The following FAP variants were observed in gnomAD, a reference collection of about 807,000 sequenced individuals.
FAP encodes fibroblast activation protein alpha.
In FAP, 110 loss-of-function variants were observed where a neutral mutation model predicts 126.5. That is an observed-to-expected ratio of 0.87 (90% confidence interval 0.74 to 1.02). The LOEUF (loss-of-function observed/expected upper bound fraction) is 1.02. Ranked by LOEUF, FAP falls within the 50% of genes least tolerant of loss-of-function variation. The pLI, the probability that FAP is intolerant of heterozygous loss-of-function variation, is 0.00. For missense variants in FAP, 919 were observed against 909.2 expected (o/e 1.01, Z -0.14); for synonymous variants, 334 against 297.3 (o/e 1.12, Z -1.27).
intron 15 of FAP, 90 bp from the exon 16 acceptor site, chr2:162,198,971 A>G (rs896987623): frequency 9.2e-7 from 1 of 1,085,638 alleles, no homozygotes; most frequent in African/African-American, 1.6e-5. Context: ...TAATTTACAT[A>G]TTGACATCAA....
intron 16 of FAP, chr2:162,197,535 C>G (rs1244620788): frequency 2.2e-6 from 1 of 456,568 alleles, no homozygotes; most frequent in East Asian, 6.9e-5. Context: ...ATGCCATTGA[C>G]CAAACATTTT....
In FAP at chr2:162,225,677, T is replaced by G. The variant is rs892588155; in HGVS notation, c.191-100A>C. ...TCTATTTCACAGACCTACTTTGTTT[T>G]TCCTCTCTGTCCAGTACATATTGCT... On this transcript the variant is annotated intron_variant, in intron 3 of 25. Transcript: ENST00000188790. The G allele has an allele frequency of 5.7e-6, 7 of 1,229,678 alleles. No homozygotes were observed. The African/African-American group carries it at 1.1e-4, about 19-fold the overall frequency. The allele number at this position is 1,229,678 out of a possible 1,614,324, so 76.2% of individuals were successfully genotyped here.
chr2:162,171,308 G>T, intron 25 of FAP: 1 of 406,914 alleles, frequency 2.5e-6, no homozygotes, highest in Non-Finnish European at 4.5e-6. Context: ...GATCTCAGTG[G>T]CTGAGATCTC....
At chr2:162,179,577 T>C (rs1033130095) in intron 21 of FAP, among the ~76,000 whole-genome samples, 2 of 152,068 alleles carry the variant, frequency 1.3e-5, no homozygotes, top group Non-Finnish European at 2.9e-5. Flanking sequence ...AACATGGTAA[T>C]TCCTATAAGA....
intron 19 of FAP, 116 bp from the exon 20 acceptor site, chr2:162,188,479 T>C (rs1687930168): frequency 1.1e-6 from 1 of 918,058 alleles, no homozygotes; most frequent in African/African-American, 1.7e-5. Flanking sequence ...AAAATAACAA[T>C]GGCGTTAGAA....
In FAP at chr2:162,219,860, C is replaced by T. The variant is rs376459419; in HGVS notation, c.479G>A (p.Ser160Asn). 295 of 1,606,722 alleles carry T rather than the reference C, an allele frequency of 1.8e-4. No homozygotes were observed. The highest frequency in any genetic ancestry group is 2.4e-4 in the Non-Finnish European group (279 of 1,173,894). The change falls in exon 7 of 26, where the codon AGT (serine) becomes AAT (asparagine). Residue 160 changes from serine (S) to asparagine (N), a missense_variant. Ser to Asn is a conservative substitution (Grantham distance 46, BLOSUM62 1). Coordinates refer to ENST00000188790, the MANE Select transcript of FAP (RefSeq NM_004460.5). ...IQYLCWSPVG[S>N]KLAYVYQNNI... ...AAAAATTTAAACACTTACTAATTTA[C>T]TCCCAACAGGCGACCAGCATAAATA...
chr2:162,189,077 T>G, intron 19 of FAP, 26 bp downstream of exon 19: 1 of 1,460,784 alleles, frequency 6.8e-7, no homozygotes, highest in Non-Finnish European at 9.5e-7. Context: ...GTAAATAGTT[T>G]TTACACCAAA....
intron 14 of FAP, 121 bp downstream of exon 14, chr2:162,202,751 A>G: frequency 4.5e-6 from 3 of 662,142 alleles, no homozygotes; most frequent in Non-Finnish European, 7.6e-6. Flanking sequence ...ATGAACTCAC[A>G]ACTGTCTGAA....
chr2:162,172,732 A>C (rs1559757992), intron 25 of FAP, 79 bp downstream of exon 25: 2 of 896,412 alleles, frequency 2.2e-6, no homozygotes, highest in Non-Finnish European at 1.8e-6. Flanking sequence ...TTTAAAAGTT[A>C]AAAAAAATAA....
chr2:162,194,689 A>C lies in FAP; in HGVS notation c.1450+12T>G, dbSNP rs1688179661. On this transcript the variant is annotated intron_variant, in intron 17 of 25. Coordinates refer to ENST00000188790, the MANE Select transcript of FAP (RefSeq NM_004460.5). ...ACTTGAGACAAGATAGATAACATGCAAGAGAGAGTACCTTGATCAGTGCGT... is the reference window on the plus strand; with the variant it reads ...ACTTGAGACAAGATAGATAACATGCCAGAGAGAGTACCTTGATCAGTGCGT... 6.2e-7 allele frequency: 1 copy of C among 1,612,580 alleles called. No homozygotes were observed. Among genetic ancestry groups the C allele is most frequent in the Non-Finnish European group, 8.5e-7 (1 of 1,178,726 alleles).
intron 25 of FAP, chr2:162,172,365 A>C (rs1234301162): frequency 6.3e-6 from 1 of 158,272 alleles, no homozygotes; most frequent in Non-Finnish European, 1.4e-5. Flanking sequence ...CATAGGTGAA[A>C]AGTTCTCTAA....
intron 11 of FAP, among the ~76,000 whole-genome samples, chr2:162,213,369 C>T (rs767199502): frequency 1.3e-4 from 18 of 135,170 alleles, no homozygotes; most frequent in Non-Finnish European, 2.6e-4. Context: ...AGCGAGACGC[C>T]ATCTCAAAAA....
chr2:162,183,429 T>C lies in FAP; in HGVS notation c.1854A>G (p.Ile618Met), dbSNP rs1241613016. The C allele has an allele frequency of 6.2e-7, 1 of 1,609,798 alleles. No homozygotes were observed. Among genetic ancestry groups the C allele is most frequent in the Non-Finnish European group, 8.5e-7 (1 of 1,177,450 alleles). ...IEMGFIDEKR[I>M]AIWGWSYGGY... ...AACAACTCACCCAGCCCCATATGGC[T>C]ATTCTTTTTTCATCAATGAAACCCA... The change falls in exon 21 of 26, where the codon ATA becomes ATG. Residue 618 changes from isoleucine (I) to methionine (M), a missense_variant. Transcript: ENST00000188790.
chr2:162,205,000 T>C (rs1292836528), intron 12 of FAP, among the ~76,000 whole-genome samples: 1 of 152,024 alleles, frequency 6.6e-6, no homozygotes, highest in Non-Finnish European at 1.5e-5. Context: ...CCAAATAAGG[T>C]AGATGCCTCA....
chr2:162,237,751 G>A (rs1414402745), intron 2 of FAP, among the ~76,000 whole-genome samples: 1 of 152,094 alleles, frequency 6.6e-6, no homozygotes, highest in Non-Finnish European at 1.5e-5. Context: ...GGTATTTCTG[G>A]TTCTAGATCC....
At chr2:162,240,279 A>G (rs1173243853) in intron 2 of FAP, among the ~76,000 whole-genome samples, 1 of 152,230 alleles carries the variant, frequency 6.6e-6, no homozygotes, top group Non-Finnish European at 1.5e-5. Flanking sequence ...AATATTTTGT[A>G]AGTGAGCTAA....
In FAP at chr2:162,189,166, C is replaced by T. The variant is rs772492359; in HGVS notation, c.1556G>A (p.Trp519Ter). 2 of 1,591,806 alleles carry T rather than the reference C, an allele frequency of 1.3e-6. No individual in the cohort carries two copies. The highest frequency in any genetic ancestry group is 1.1e-5 in the South Asian group (1 of 87,628). Residue 519 changes from tryptophan to a stop codon, truncating the protein, a stop_gained, in exon 19 of 26, where the codon TGG becomes TAG. Transcript: ENST00000188790. LOFTEE classifies it high-confidence loss of function. ...TTGAGGAGGAAGAATCATCTTGTAC[C>T]ATAAAGCTTTGAGGAAAAAAAAAGG... ...KKLEVDEITLWYKMILPPQFD... is the reference protein window; with the variant it reads ...KKLEVDEITL
intron 2 of FAP, among the ~76,000 whole-genome samples, chr2:162,238,543 CTTT>C (rs1390226369): frequency 7.0e-6 from 1 of 142,398 alleles, no homozygotes; most frequent in Non-Finnish European, 1.5e-5. Flanking sequence ...AACTTGATTT[CTTT>C]ATCTTGACTA....
At chr2:162,215,493 A>G (rs1190299869) in intron 10 of FAP, among the ~76,000 whole-genome samples, 3 of 152,202 alleles carry the variant, frequency 2.0e-5, no homozygotes, top group Non-Finnish European at 4.4e-5. Flanking sequence ...CTTCATTGTG[A>G]AAAATGCTAA....
Sources: gnomAD v4.1 joint callset for allele counts (sites outside exome capture counted in the v4.1 genomes callset) on GRCh38, gnomAD v4.1.1 for gene constraint, MANE v1.5 for transcripts, NCBI Gene and HGNC (gene_info 2026-07-23, HGNC 2026-07-21) for gene names.